CHDH: variants seen among roughly 807,000 people sequenced by gnomAD.
The protein encoded by CHDH is choline dehydrogenase, also known as choline dehydrogenase, mitochondrial.
Under a neutral mutation model 56.9 loss-of-function variants are expected in CHDH, and 43 were observed. That is an observed-to-expected ratio of 0.76 (90% CI 0.59 to 0.97). The LOEUF (loss-of-function observed/expected upper bound fraction) is 0.97. Ranked by LOEUF, CHDH falls within the 50% of genes least tolerant of loss-of-function variation. CHDH has a pLI of 0.00. For synonymous variants in CHDH, 364 were observed against 348.5 expected (o/e 1.04, Z -0.50); for missense variants, 816 against 821.1 (o/e 0.99, Z 0.08).
intron 2 of CHDH, among the ~76,000 whole-genome samples, chr3:53,828,152 G>A (rs1024195883): frequency 3.1e-5 from 4 of 130,032 alleles, no homozygotes; most frequent in Non-Finnish European, 4.7e-5. Flanking sequence ...AAAGGGAGCT[G>A]GAATAACTAG....
chr3:53,816,521 G>A lies in CHDH; in HGVS notation c.*1256C>T, dbSNP rs1295328569. On this transcript the variant is annotated 3_prime_UTR_variant, in exon 9 of 9. Transcript: ENST00000315251. ...GCATTTCTACAGCCACAGGGTGCAT[G>A]GCTGTGCTTAACTGTGTTTTCCATC... The A allele has an allele frequency of 6.6e-6, 1 of 152,178 alleles. No individual in the cohort carries two copies. Among genetic ancestry groups the A allele is most frequent in the Non-Finnish European group, 1.5e-5 (1 of 68,038 alleles). 9.4% of individuals were successfully genotyped at this position (152,178 alleles called of 1,614,324 possible).
chr3:53,844,311 A>C (rs1458789239), intron 1 of CHDH, among the ~76,000 whole-genome samples: 1 of 152,090 alleles, frequency 6.6e-6, no homozygotes, highest in Non-Finnish European at 1.5e-5. Flanking sequence ...TGGGGGGAGA[A>C]AGAACCTCAG....
chr3:53,837,929 A>T (rs1485909434), intron 2 of CHDH, among the ~76,000 whole-genome samples: 1 of 151,850 alleles, frequency 6.6e-6, no homozygotes, highest in African/African-American at 2.4e-5. Context: ...GTGGTGGCAC[A>T]CGCCTTGTAG....
rs1183731963 is a variant in CHDH at position 53,819,635 on chromosome 3, A to G, written c.1160T>C (p.Ile387Thr). 6.2e-7 allele frequency: 1 copy of G among 1,611,656 alleles called. No homozygotes were observed. The highest frequency in any genetic ancestry group is 2.2e-5 in the East Asian group (1 of 44,626). Reference sequence around the variant, plus strand: ...GTGGGGGACCCCAGGCTGGCTGCGGATGAACCCACCTGTTTCCAGATGGGC... The same window carrying G: ...GTGGGGGACCCCAGGCTGGCTGCGGGTGAACCCACCTGTTTCCAGATGGGC... ...ATAHLETGGF[I>T]RSQPGVPHPD... The change falls in exon 7 of 9, where the codon ATC becomes ACC. Residue 387 changes from isoleucine (I) to threonine (T), a missense_variant. Physicochemically the swap from Ile to Thr is moderately conservative, Grantham distance 89. Coordinates refer to ENST00000315251, the MANE Select transcript of CHDH (RefSeq NM_018397.5). The surrounding 1 kb of genome is among the most constrained non-coding windows in gnomAD (Gnocchi z 5.4).
At chr3:53,828,474 G>A (rs1698227929) in intron 2 of CHDH, among the ~76,000 whole-genome samples, 1 of 152,276 alleles carries the variant, frequency 6.6e-6, no homozygotes, top group Middle Eastern at 3.4e-3. Flanking sequence ...AGTCACAGAC[G>A]AGAAGTAAAT....
In CHDH at chr3:53,840,986, C is replaced by T. The variant is rs1375975264; in HGVS notation, c.-117G>A. The T allele has an allele frequency of 2.6e-5, 4 of 152,194 alleles. No homozygotes were observed. Among genetic ancestry groups the T allele is most frequent in the Non-Finnish European group, 4.4e-5 (3 of 68,036 alleles). The allele number at this position is 152,194 out of a possible 1,614,324, so 9.4% of individuals were successfully genotyped here. A position where few individuals can be genotyped will look rare whatever the true frequency, so the allele number is the denominator to read the frequency against. On this transcript the variant is annotated 5_prime_UTR_variant, in exon 2 of 9. It adds an upstream start codon to the 5' untranslated region. Transcript: ENST00000315251. ...TCTGTGACCGGGGCTGGCCTACACACTCTTTGTGATTGTCTGAGAGAGATA... is the reference window on the plus strand; with the variant it reads ...TCTGTGACCGGGGCTGGCCTACACATTCTTTGTGATTGTCTGAGAGAGATA...
At chr3:53,839,519 G>A (rs1191633905) in intron 2 of CHDH, among the ~76,000 whole-genome samples, 2 of 152,226 alleles carry the variant, frequency 1.3e-5, no homozygotes, top group East Asian at 3.9e-4. Context: ...ATGTGAGGAT[G>A]TCAAGATATC....
intron 2 of CHDH, among the ~76,000 whole-genome samples, chr3:53,838,203 C>A (rs1166692921): frequency 6.6e-6 from 1 of 152,120 alleles, no homozygotes; most frequent in Non-Finnish European, 1.5e-5. Flanking sequence ...CCCTTGCAGG[C>A]GTGTCTGTGG....
chr3:53,838,751 C>G (rs1250853322), intron 2 of CHDH, among the ~76,000 whole-genome samples: 1 of 152,266 alleles, frequency 6.6e-6, no homozygotes, highest in East Asian at 1.9e-4. Context: ...GCTCCCAGAG[C>G]CACGTACACA....
Position 53,819,742 on chromosome 3 carries a change from GT to G in CHDH, c.1121-69del. ...GTGGCAGGTGGGCCGGCTGCTCCTG[GT>G]TTCCCTCCTTTCTCCTGGCCGCTCC... On this transcript the variant is annotated intron_variant, in intron 6 of 8. Transcript: ENST00000315251. The surrounding 1 kb of genome is among the most constrained non-coding windows in gnomAD (Gnocchi z 5.4). 3 of 1,468,858 alleles carry G rather than the reference GT, an allele frequency of 2.0e-6. No homozygotes were observed. The highest frequency in any genetic ancestry group is 3.6e-4 in the Middle Eastern group (2 of 5,506). The allele number at this position is 1,468,858 out of a possible 1,614,324, so 91.0% of individuals were successfully genotyped here.
chr3:53,816,057 G>A lies in CHDH; in HGVS notation c.*1720C>T, dbSNP rs1328550194. 6.6e-6 allele frequency: 1 copy of A among 151,990 alleles called. No individual in the cohort carries two copies. The highest frequency in any genetic ancestry group is 1.5e-5 in the Non-Finnish European group (1 of 68,018). The allele number at this position is 151,990 out of a possible 1,614,324, so 9.4% of individuals were successfully genotyped here. A position where few individuals can be genotyped will look rare whatever the true frequency, so the allele number is the denominator to read the frequency against. On this transcript the variant is annotated 3_prime_UTR_variant, in exon 9 of 9. Coordinates refer to ENST00000315251, the MANE Select transcript of CHDH (RefSeq NM_018397.5). ...CAAGAGCTGCTTAAGATTTTTAAAAGGAGAGGTGTGATGGGTTTCTTCCTG... is the reference window on the plus strand; with the variant it reads ...CAAGAGCTGCTTAAGATTTTTAAAAAGAGAGGTGTGATGGGTTTCTTCCTG...
chr3:53,822,667 G>T, intron 3 of CHDH, 25 bp from the exon 4 acceptor site: 1 of 1,597,756 alleles, frequency 6.3e-7, no homozygotes, highest in Non-Finnish European at 8.5e-7. Flanking sequence ...GAGGTGGTCA[G>T]GCATGGCTCC....
At chr3:53,824,522 G>A (rs956659677) in intron 2 of CHDH, among the ~76,000 whole-genome samples, 2 of 152,186 alleles carry the variant, frequency 1.3e-5, no homozygotes, top group East Asian at 1.9e-4. Context: ...CTCTCAAAAC[G>A]GATGGTTTAG....
rs988716745 is a variant in CHDH at position 53,812,765 on chromosome 3, T to C, written c.*5012A>G. The C allele has an allele frequency of 5.9e-5, 9 of 152,260 alleles. No homozygotes were observed. The highest frequency in any genetic ancestry group is 9.6e-5 in the African/African-American group (4 of 41,458). The allele number at this position is 152,260 out of a possible 1,614,324, so 9.4% of individuals were successfully genotyped here. On this transcript the variant is annotated 3_prime_UTR_variant, in exon 9 of 9. Transcript: ENST00000315251. ...GTCCTCTGGGGACTGGTGGTGCTGC[T>C]TAAGAAATAAGGGGTGCTGGGGACA...
chr3:53,820,450 C>G (rs370980410), intron 6 of CHDH, 24 bp downstream of exon 6: 2 of 1,597,236 alleles, frequency 1.3e-6, no homozygotes, highest in Non-Finnish European at 8.5e-7. Flanking sequence ...AGTCTCCTCC[C>G]AGGTTACTGG....
At chr3:53,845,529 T>G (rs1034001163) in intron 1 of CHDH, among the ~76,000 whole-genome samples, 19 of 152,290 alleles carry the variant, frequency 1.2e-4, no homozygotes, top group Middle Eastern at 3.4e-3. Context: ...CCTCTGTGAC[T>G]CCACTGTTAG....
Position 53,846,222 on chromosome 3 carries a change from A to C in CHDH, c.-270T>G, listed in dbSNP as rs1462450868. ...CTCTCTGCGTCCGGAATGGGGACGCAGCAGTTCCGACCCGGTCGGCCCCGG... is the reference window on the plus strand; with the variant it reads ...CTCTCTGCGTCCGGAATGGGGACGCCGCAGTTCCGACCCGGTCGGCCCCGG... On this transcript the variant is annotated 5_prime_UTR_variant, in exon 1 of 9. Transcript: ENST00000315251. The C allele has an allele frequency of 9.4e-6, 2 of 213,356 alleles. No homozygotes were observed. The highest frequency in any genetic ancestry group is 1.8e-5 in the Non-Finnish European group (2 of 108,644). 13.2% of individuals were successfully genotyped at this position (213,356 alleles called of 1,614,324 possible). A position where few individuals can be genotyped will look rare whatever the true frequency, so the allele number is the denominator to read the frequency against.
intron 2 of CHDH, among the ~76,000 whole-genome samples, chr3:53,833,436 G>A (rs1559759473): frequency 6.6e-6 from 1 of 152,188 alleles, no homozygotes; most frequent in Non-Finnish European, 1.5e-5. Flanking sequence ...TCTCAGGCCC[G>A]CAGGCTGGGT....
At position 53,812,729 on chromosome 3, in the gene CHDH, T is replaced by A. The variant is rs991795021; in HGVS notation, c.*5048A>T. Reference sequence around the variant, plus strand: ...CAGAAATGCATAGGTGGATGAGATATAGCTGCTCTTGTCCTCTGGGGACTG... The same window carrying A: ...CAGAAATGCATAGGTGGATGAGATAAAGCTGCTCTTGTCCTCTGGGGACTG... On this transcript the variant is annotated 3_prime_UTR_variant, in exon 9 of 9. Coordinates refer to ENST00000315251, the MANE Select transcript of CHDH (RefSeq NM_018397.5). 6.6e-6 allele frequency: 1 copy of A among 152,262 alleles called. No homozygotes were observed. Among genetic ancestry groups the A allele is most frequent in the African/African-American group, 2.4e-5 (1 of 41,452 alleles). 9.4% of individuals were successfully genotyped at this position (152,262 alleles called of 1,614,324 possible). A position where few individuals can be genotyped will look rare whatever the true frequency, so the allele number is the denominator to read the frequency against.
Sources: allele counts gnomAD v4.1 joint callset (sites outside exome capture counted in the v4.1 genomes callset), GRCh38; gene constraint gnomAD v4.1.1; non-coding constraint Gnocchi (gnomAD v3.1); transcripts MANE v1.5; gene names NCBI Gene and HGNC (gene_info 2026-07-23, HGNC 2026-07-21).